Variants in PRDM16 observed in about 807,000 individuals in gnomAD.
The protein encoded by PRDM16 is histone-lysine N-methyltransferase PRDM16.
PRDM16 carries 23 observed loss-of-function variants against 110.6 expected under a neutral mutation model. That is an observed-to-expected ratio of 0.21 (90% CI 0.15 to 0.29). The LOEUF is 0.29. Among genes scored for constraint, PRDM16 ranks in the 10% least tolerant of loss-of-function variants. PRDM16 has a pLI of 1.00. For missense variants in PRDM16, 1,615 were observed against 1,794.3 expected (o/e 0.90, Z 1.81); for synonymous variants, 799 against 781.8 (o/e 1.02, Z -0.37).
At chr1:3,077,641 G>A (rs909489922) in intron 1 of PRDM16, among the ~76,000 whole-genome samples, 6 of 152,190 alleles carry the variant, frequency 3.9e-5, no homozygotes, top group African/African-American at 1.4e-4. Context: ...GCAGTCAGAT[G>A]GGGAGTTTTG....
chr1:3,181,854 A>ACACGCAGTTTTG (rs1644210416), intron 1 of PRDM16, among the ~76,000 whole-genome samples: 1 of 96,536 alleles, frequency 1.0e-5, no homozygotes, highest in African/African-American at 3.5e-5. Context: ...ACACGGTCTT[A>ACACGCAGTTTTG]CACACGCAGT....
At chr1:3,381,032 G>A (rs1156435985) in intron 3 of PRDM16, among the ~76,000 whole-genome samples, 2 of 152,216 alleles carry the variant, frequency 1.3e-5, no homozygotes, top group Non-Finnish European at 2.9e-5. Context: ...CAGGAGCTCT[G>A]CCATGACACA....
At chr1:3,330,166 C>T (rs1226824388) in intron 3 of PRDM16, among the ~76,000 whole-genome samples, 1 of 152,230 alleles carries the variant, frequency 6.6e-6, no homozygotes, top group Admixed American at 6.5e-5. Context: ...TGGAGTTTAA[C>T]TCTCGCCTGG....
intron 15 of PRDM16, 29 bp from the exon 16 acceptor site, chr1:3,431,937 G>C (rs1638779761): frequency 6.2e-7 from 1 of 1,602,998 alleles, no homozygotes; most frequent in East Asian, 2.2e-5. Context: ...CTGACAGCAG[G>C]CCTTCCCTCT....
intron 1 of PRDM16, among the ~76,000 whole-genome samples, chr1:3,181,966 T>C (rs980481684): frequency 4.6e-5 from 7 of 151,924 alleles, no homozygotes; most frequent in African/African-American, 1.2e-4. Context: ...ACACATGCCT[T>C]ACACATGCAG....
intron 3 of PRDM16, among the ~76,000 whole-genome samples, chr1:3,312,694 A>G (rs12409315): frequency 0.1 from 15,251 of 152,288 alleles, 895 homozygotes; most frequent in African/African-American, 0.16. Context: ...TGGAATTGAA[A>G]CTTACACAAA....
intron 3 of PRDM16, among the ~76,000 whole-genome samples, chr1:3,285,352 C>A (rs911425222): frequency 2.0e-5 from 3 of 152,228 alleles, no homozygotes; most frequent in Non-Finnish European, 2.9e-5. Context: ...TGCCCTCACC[C>A]CATTGTTCCC....
At chr1:3,365,076 C>T (rs1471817658) in intron 3 of PRDM16, among the ~76,000 whole-genome samples, 1 of 152,218 alleles carries the variant, frequency 6.6e-6, no homozygotes, top group Non-Finnish European at 1.5e-5. Context: ...GGGACCCACT[C>T]GGCCAGTGGG....
chr1:3,351,940 G>A (rs903516670), intron 3 of PRDM16, among the ~76,000 whole-genome samples: 3 of 151,520 alleles, frequency 2.0e-5, no homozygotes, highest in Non-Finnish European at 4.4e-5. Context: ...GGGTAGCTGG[G>A]CTGTACCATC....
At chr1:3,315,969 T>C (rs1641591691) in intron 3 of PRDM16, among the ~76,000 whole-genome samples, 1 of 152,070 alleles carries the variant, frequency 6.6e-6, no homozygotes, top group Non-Finnish European at 1.5e-5. Flanking sequence ...CAGGGGACAG[T>C]ATCAGGCTTC....
chr1:3,334,640 C>G (rs1005345511), intron 3 of PRDM16, among the ~76,000 whole-genome samples: 12 of 152,220 alleles, frequency 7.9e-5, no homozygotes, highest in African/African-American at 2.7e-4. Flanking sequence ...ACCAGCCCAG[C>G]CCAGGGCTTC....
intron 4 of PRDM16, among the ~76,000 whole-genome samples, chr1:3,387,333 G>A (rs189451527): frequency 6.6e-6 from 1 of 152,278 alleles, no homozygotes; most frequent in East Asian, 1.9e-4. Context: ...CGCCTCAAGG[G>A]ATTCGTTCTC....
rs141206205 is a variant in PRDM16, at chr1:3,267,428, G to A, written c.438+23291G>A. Among the ~76,000 whole-genome samples, 5 of 152,314 alleles carry A rather than the reference G, an allele frequency of 3.3e-5. No homozygotes were observed. In the East Asian group the frequency reaches 5.8e-4, roughly 18 times the overall value. On this transcript the variant is annotated intron_variant, in intron 3 of 16. Coordinates refer to ENST00000270722, the MANE Select transcript of PRDM16 (RefSeq NM_022114.4). ...ATCCACTCGTCCCTGACCGGAGGAC[G>A]TGAGGCTTGTTTGCACCTGTGGGTG...
rs367805274 is a variant in PRDM16, at chr1:3,124,143, G to A, written c.37+54847G>A. Among the ~76,000 whole-genome samples, 35 of 152,326 alleles carry A rather than the reference G, an allele frequency of 2.3e-4. No homozygotes were observed. In the East Asian group the frequency reaches 4.8e-3, roughly 21 times the overall value. ...TTAGGAGGGCAGGGCCGGTGGAGGT[G>A]GACAGGGCCGTGGAGCTGGCCACAG... On this transcript the variant is annotated intron_variant, in intron 1 of 16. Coordinates refer to ENST00000270722, the MANE Select transcript of PRDM16 (RefSeq NM_022114.4).
At chr1:3,241,692 T>TGACGGG (rs1222242662) in intron 2 of PRDM16, among the ~76,000 whole-genome samples, 1 of 152,186 alleles carries the variant, frequency 6.6e-6, no homozygotes, top group Non-Finnish European at 1.5e-5. Context: ...CCGCATGGCG[T>TGACGGG]GACGGATGGG....
chr1:3,249,733 G>C (rs1396619004), intron 3 of PRDM16, among the ~76,000 whole-genome samples: 1 of 152,220 alleles, frequency 6.6e-6, no homozygotes, highest in Admixed American at 6.5e-5. Flanking sequence ...GTAAGCCGCG[G>C]ACAAAAGGCT....
At chr1:3,109,595 A>G (rs1203112879) in intron 1 of PRDM16, among the ~76,000 whole-genome samples, 2 of 152,204 alleles carry the variant, frequency 1.3e-5, no homozygotes, top group Non-Finnish European at 2.9e-5. Flanking sequence ...TCCGCCGAGG[A>G]CTAATTGAGC....
At chr1:3,283,465 C>T (rs1011728723) in intron 3 of PRDM16, among the ~76,000 whole-genome samples, 3 of 152,220 alleles carry the variant, frequency 2.0e-5, no homozygotes, top group African/African-American at 7.2e-5. Flanking sequence ...CCAACTCACC[C>T]ACTCCCCAGA....
intron 2 of PRDM16, among the ~76,000 whole-genome samples, chr1:3,202,266 G>A (rs1485785322): frequency 3.3e-5 from 5 of 152,032 alleles, no homozygotes; most frequent in African/African-American, 4.8e-5. Flanking sequence ...GGACCAGGAC[G>A]TCAGATGTCA....
Sources: gnomAD v4.1 joint callset for allele counts (sites outside exome capture counted in the v4.1 genomes callset) on GRCh38, gnomAD v4.1.1 for gene constraint, MANE v1.5 for transcripts, NCBI Gene and HGNC (gene_info 2026-07-23, HGNC 2026-07-21) for gene names.